Variants in SPIDR observed in about 807,000 individuals in gnomAD.
SPIDR encodes the protein scaffold protein involved in DNA repair, also known as DNA repair-scaffolding protein.
In SPIDR, 93 loss-of-function variants were observed where a neutral mutation model predicts 104.6. That is an observed-to-expected ratio of 0.89 (90% CI 0.75 to 1.06). The LOEUF (loss-of-function observed/expected upper bound fraction) is 1.06, where lower values mean the gene tolerates loss of function less well. Among genes scored for constraint, SPIDR ranks in the 50% least tolerant of loss-of-function variants. The probability of loss-of-function intolerance (pLI) is 0.00; values close to 1 mark genes in which losing one functional copy is unlikely to be tolerated. For synonymous variants in SPIDR, 431 were observed against 416.9 expected, an observed-to-expected ratio of 1.03 and a Z score of -0.41; for missense variants, 1,154 against 1,111.2, an observed-to-expected ratio of 1.04 and a Z score of -0.55.
rs914886573 is a variant in SPIDR, at chr8:47,396,518, T to C, written c.668T>C (p.Leu223Pro). 1.9e-5 allele frequency: 30 copies of C among 1,614,050 alleles called. No individual in the cohort carries two copies. The highest frequency in any genetic ancestry group is 1.6e-4 in the Middle Eastern group (1 of 6,082). ...ASDARQIMER[L>P]IDPRTKSTET... ...GATGCAAGACAGATTATGGAGAGAC[T>C]GATAGATCCAAGGACAAAATCAACA... The change falls in exon 6 of 20, where the codon CTG becomes CCG. Residue 223 changes from leucine (L) to proline (P), a missense_variant. Transcript: ENST00000297423.
At chr8:47,685,517 A>ATTT (rs370526185) in intron 11 of SPIDR, among the ~76,000 whole-genome samples, 19 of 130,098 alleles carry the variant, frequency 1.5e-4, no homozygotes, top group African/African-American at 3.4e-4. Flanking sequence ...TTATTTATTT[A>ATTT]TTTTTTTGAG....
intron 10 of SPIDR, among the ~76,000 whole-genome samples, chr8:47,626,381 A>G (rs149062103): frequency 0.22 from 33,987 of 152,082 alleles, 4,893 homozygotes; most frequent in Middle Eastern, 0.45. Context: ...AGCCAAAATT[A>G]ACAAATGGGA....
chr8:47,306,308 T>G (rs1219967545), intron 5 of SPIDR, among the ~76,000 whole-genome samples: 5 of 152,064 alleles, frequency 3.3e-5, no homozygotes, highest in Non-Finnish European at 7.4e-5. Context: ...GCCTAGCTAA[T>G]TTTTGTATTT....
At chr8:47,734,162 G>A (rs372482749) in intron 19 of SPIDR, among the ~76,000 whole-genome samples, 6 of 152,162 alleles carry the variant, frequency 3.9e-5, no homozygotes, top group South Asian at 2.1e-4. Context: ...CCCCAAGGCC[G>A]GTGGGAGTCA....
rs568974355 is a variant in SPIDR at position 47,446,255 on chromosome 8, T to C, written c.1097+5713T>C. Reference sequence around the variant, plus strand: ...AGTGTTCATTTACCATTTTGAAAATTCTAGGGTCTTTAAGAATTATGCTAA... The same window carrying C: ...AGTGTTCATTTACCATTTTGAAAATCCTAGGGTCTTTAAGAATTATGCTAA... On this transcript the variant is annotated intron_variant, in intron 8 of 19. Coordinates refer to ENST00000297423, the MANE Select transcript of SPIDR (RefSeq NM_001080394.4). Among the ~76,000 whole-genome samples, 4 of 152,340 alleles carry C rather than the reference T, an allele frequency of 2.6e-5. No homozygotes were observed. In the South Asian group the frequency reaches 8.3e-4, roughly 32 times the overall value.
chr8:47,485,586 A>C (rs2077474889), intron 8 of SPIDR, among the ~76,000 whole-genome samples: 1 of 152,218 alleles, frequency 6.6e-6, no homozygotes, highest in South Asian at 2.1e-4. Context: ...GAGTAGCCTA[A>C]CTGGGAGGCA....
Position 47,712,729 on chromosome 8 carries a change from C to T in SPIDR, c.2045C>T (p.Thr682Met), listed in dbSNP as rs775129734. The T allele has an allele frequency of 4.3e-6, 7 of 1,614,024 alleles. No homozygotes were observed. The highest frequency in any genetic ancestry group is 2.7e-5 in the African/African-American group (2 of 74,892). ...WLLVTDVTLQ[T>M]KEERDPRLPK... is the part of the protein sequence containing the mutation. Reference sequence around the variant, plus strand: ...CTAGTGACCGATGTCACTCTGCAAACGAAGGAGGAGAGAGACCCCAGGCTC... The same window carrying T: ...CTAGTGACCGATGTCACTCTGCAAATGAAGGAGGAGAGAGACCCCAGGCTC... The change falls in exon 15 of 20, where the codon ACG (threonine) becomes ATG (methionine). Residue 682 changes from threonine to methionine, a missense_variant. Thr to Met is a moderately conservative substitution (Grantham distance 81). Coordinates refer to ENST00000297423, the MANE Select transcript of SPIDR (RefSeq NM_001080394.4).
chr8:47,637,584 TCTC>T (rs775200124), intron 10 of SPIDR, among the ~76,000 whole-genome samples: 2 of 151,950 alleles, frequency 1.3e-5, no homozygotes, highest in Non-Finnish European at 2.9e-5. Flanking sequence ...AAGAAAAAAA[TCTC>T]CTTAACTGGA....
At chr8:47,479,376 G>A (rs1354520755) in intron 8 of SPIDR, among the ~76,000 whole-genome samples, 1 of 151,334 alleles carries the variant, frequency 6.6e-6, no homozygotes, top group Non-Finnish European at 1.5e-5. Flanking sequence ...AAAAAAGAAA[G>A]AAAGGAAAGA....
intron 8 of SPIDR, among the ~76,000 whole-genome samples, chr8:47,502,721 T>G (rs540757734): frequency 9.6e-4 from 146 of 152,226 alleles, no homozygotes; most frequent in Middle Eastern, 3.4e-3. Context: ...TCTTTTAATT[T>G]TGATGTTAGG....
intron 10 of SPIDR, chr8:47,653,857 G>T (rs1338716977): frequency 7.1e-5 from 34 of 479,916 alleles, no homozygotes; most frequent in Non-Finnish European, 8.8e-5. Flanking sequence ...AGAACTAAAA[G>T]ACAAAAAAAA....
At chr8:47,594,811 TG>T (rs2061468252) in intron 8 of SPIDR, among the ~76,000 whole-genome samples, 1 of 151,984 alleles carries the variant, frequency 6.6e-6, no homozygotes, top group African/African-American at 2.4e-5. Context: ...CTGGCCAACA[TG>T]GCAAAACCTT....
At chr8:47,618,673 G>T (rs1035474789) in intron 10 of SPIDR, among the ~76,000 whole-genome samples, 3 of 152,174 alleles carry the variant, frequency 2.0e-5, no homozygotes, top group Non-Finnish European at 2.9e-5. Flanking sequence ...TAGTTTGTGT[G>T]TGTGTGTACT....
At chr8:47,344,338 T>C (rs1587382108) in intron 5 of SPIDR, among the ~76,000 whole-genome samples, 2 of 152,332 alleles carry the variant, frequency 1.3e-5, no homozygotes, top group Middle Eastern at 6.8e-3. Flanking sequence ...ATGGTGTATA[T>C]GTGCCACATT....
chr8:47,509,837 A>C (rs1035005931), intron 8 of SPIDR, among the ~76,000 whole-genome samples: 1 of 152,124 alleles, frequency 6.6e-6, no homozygotes, highest in Non-Finnish European at 1.5e-5. Context: ...GGATGTGTGC[A>C]TGCGTATAAT....
chr8:47,611,350 A>G (rs989775819), intron 10 of SPIDR, among the ~76,000 whole-genome samples: 4 of 152,182 alleles, frequency 2.6e-5, no homozygotes, highest in African/African-American at 4.8e-5. Flanking sequence ...AAGGAGGGAC[A>G]CTTAGGAAAG....
At chr8:47,306,884 T>C (rs905024379) in intron 5 of SPIDR, among the ~76,000 whole-genome samples, 3 of 152,220 alleles carry the variant, frequency 2.0e-5, no homozygotes, top group African/African-American at 7.2e-5. Flanking sequence ...GACTGTTTTC[T>C]CTGTTGTTAG....
chr8:47,345,003 T>C (rs2051602737), intron 5 of SPIDR, among the ~76,000 whole-genome samples: 1 of 152,236 alleles, frequency 6.6e-6, no homozygotes, highest in Admixed American at 6.5e-5. Flanking sequence ...TTTGTTGCCA[T>C]TGCTTTTGGT....
intron 11 of SPIDR, among the ~76,000 whole-genome samples, chr8:47,681,898 G>A (rs1243794762): frequency 2.6e-5 from 4 of 152,088 alleles, no homozygotes. Flanking sequence ...AGCAACCTGA[G>A]CAATATTATA....
Sources: allele counts gnomAD v4.1 joint callset (sites outside exome capture counted in the v4.1 genomes callset), GRCh38; gene constraint gnomAD v4.1.1; transcripts MANE v1.5; gene names NCBI Gene and HGNC (gene_info 2026-07-23, HGNC 2026-07-21).